Variants in COL13A1 observed in about 807,000 individuals in gnomAD.
COL13A1 encodes collagen type XIII alpha 1 chain.
In COL13A1, 89 loss-of-function variants were observed where a neutral mutation model predicts 130.9. The observed-to-expected ratio is 0.68, with a 90% CI of 0.57 to 0.81. The LOEUF (loss-of-function observed/expected upper bound fraction) is 0.81. Among genes scored for constraint, COL13A1 ranks in the 30% least tolerant of loss-of-function variants. The probability of loss-of-function intolerance (pLI) is 0.00; values close to 1 mark genes in which losing one functional copy is unlikely to be tolerated. For missense variants in COL13A1, 879 were observed against 934.6 expected (o/e 0.94, Z 0.78); for synonymous variants, 402 against 341.6 (o/e 1.18, Z -1.95).
intron 17 of COL13A1, 102 bp downstream of exon 17, chr10:69,905,924 G>T: frequency 7.7e-7 from 1 of 1,304,698 alleles, no homozygotes; most frequent in Non-Finnish European, 1.1e-6. Context: ...AACCTAGGTG[G>T]CTGTGCCTGT....
At position 69,935,403 on chromosome 10, in the gene COL13A1, G is replaced by T; in HGVS notation, c.1770+12G>T. The T allele has an allele frequency of 1.9e-6, 3 of 1,548,268 alleles. No homozygotes were observed. The highest frequency in any genetic ancestry group is 2.6e-6 in the Non-Finnish European group (3 of 1,145,528). ...CTCCCGGACCTCCGGTAAGTTTGGA[G>T]GGCTTGTCAGTGGCCAGTCCACTAA... On this transcript the variant is annotated intron_variant, in intron 32 of 40. Coordinates refer to ENST00000645393, the MANE Select transcript of COL13A1 (RefSeq NM_001368882.1).
At chr10:69,832,072 A>C (rs1462689446) in intron 2 of COL13A1, among the ~76,000 whole-genome samples, 1 of 152,198 alleles carries the variant, frequency 6.6e-6, no homozygotes, top group Non-Finnish European at 1.5e-5. Flanking sequence ...GCCCAGTTGC[A>C]TTCAGCCATG....
intron 2 of COL13A1, among the ~76,000 whole-genome samples, chr10:69,853,478 C>T (rs941669460): frequency 5.3e-5 from 8 of 152,164 alleles, no homozygotes; most frequent in African/African-American, 1.2e-4. Context: ...TAGGGAAGCA[C>T]GATGCTCTCA....
intron 27 of COL13A1, among the ~76,000 whole-genome samples, chr10:69,928,239 A>T (rs968978945): frequency 6.6e-6 from 1 of 152,200 alleles, no homozygotes; most frequent in Admixed American, 6.5e-5. Flanking sequence ...GGTGTAACTT[A>T]CACATAAGAA....
intron 2 of COL13A1, chr10:69,824,246 T>C (rs1277398302): frequency 4.6e-6 from 2 of 438,810 alleles, no homozygotes; most frequent in Non-Finnish European, 9.5e-6. Context: ...AGCATGATTA[T>C]GATTATTTTC....
rs368069080 is a variant in COL13A1 at position 69,875,591 on chromosome 10, T to C, written c.435+428T>C. Among the ~76,000 whole-genome samples, 8 of 152,160 alleles carry C rather than the reference T, an allele frequency of 5.3e-5. 1 individual carries two copies. In the East Asian group the frequency reaches 1.3e-3, roughly 26 times the overall value. On this transcript the variant is annotated intron_variant, in intron 5 of 40. Coordinates refer to ENST00000645393, the MANE Select transcript of COL13A1 (RefSeq NM_001368882.1). ...CCAGGGTTCCCAGGGGCCTTCTCTG[T>C]AGACAGAGATGCACTAAGAGATGGT... is the stretch of plus-strand genomic sequence containing the variant.
At chr10:69,913,024 A>G (rs2063546696) in intron 17 of COL13A1, among the ~76,000 whole-genome samples, 1 of 152,202 alleles carries the variant, frequency 6.6e-6, no homozygotes, top group Non-Finnish European at 1.5e-5. Flanking sequence ...GGCAGCCTCA[A>G]AATCAGGGAT....
chr10:69,866,357 GGCATCT>G (rs1387308274), intron 2 of COL13A1, among the ~76,000 whole-genome samples: 1 of 152,184 alleles, frequency 6.6e-6, no homozygotes, highest in Non-Finnish European at 1.5e-5. Flanking sequence ...GCAGGCGCAA[GGCATCT>G]GCCCTCCATG....
At chr10:69,862,619 G>C (rs1858458558) in intron 2 of COL13A1, among the ~76,000 whole-genome samples, 1 of 152,186 alleles carries the variant, frequency 6.6e-6, no homozygotes, top group Non-Finnish European at 1.5e-5. Flanking sequence ...AGTTACTCAT[G>C]TTTCCCTTCT....
intron 18 of COL13A1, 84 bp from the exon 19 acceptor site, chr10:69,918,201 G>T: frequency 8.1e-7 from 1 of 1,229,336 alleles, no homozygotes; most frequent in East Asian, 2.5e-5. Flanking sequence ...ATCACACCAT[G>T]GGGAGGCTGT....
At chr10:69,876,203 G>T (rs998938556) in intron 5 of COL13A1, among the ~76,000 whole-genome samples, 3 of 152,188 alleles carry the variant, frequency 2.0e-5, no homozygotes, top group Admixed American at 6.5e-5. Flanking sequence ...CTACTCTTCC[G>T]ATGAGAAAAC....
chr10:69,854,926 T>C (rs1344921891), intron 2 of COL13A1, among the ~76,000 whole-genome samples: 5 of 152,134 alleles, frequency 3.3e-5, no homozygotes, highest in African/African-American at 1.2e-4. Context: ...TACAGCTTTG[T>C]CATGTGTGTA....
intron 2 of COL13A1, among the ~76,000 whole-genome samples, chr10:69,843,942 T>C (rs190028754): frequency 6.6e-6 from 1 of 152,336 alleles, no homozygotes; most frequent in East Asian, 1.9e-4. Context: ...TCATATGCTG[T>C]GGGCAGGTGC....
chr10:69,934,176 T>G (rs1011994032), intron 31 of COL13A1, among the ~76,000 whole-genome samples: 4 of 152,226 alleles, frequency 2.6e-5, no homozygotes, highest in Admixed American at 6.5e-5. Flanking sequence ...TTCTTTTTAT[T>G]ATTTTTAAAA....
At chr10:69,816,599 C>T (rs1844579993) in intron 1 of COL13A1, among the ~76,000 whole-genome samples, 3 of 152,004 alleles carry the variant, frequency 2.0e-5, no homozygotes. Flanking sequence ...TGACTTCCAA[C>T]ATTTAGACAT....
At chr10:69,918,421 A>G in intron 19 of COL13A1, 104 bp downstream of exon 19, 1 of 1,120,620 alleles carries the variant, frequency 8.9e-7, no homozygotes, top group East Asian at 2.5e-5. Flanking sequence ...CAGACCAATG[A>G]GGGGGCATAC....
chr10:69,904,901 TTTTC>T, intron 15 of COL13A1, 28 bp from the exon 16 acceptor site: 2 of 1,536,070 alleles, frequency 1.3e-6, no homozygotes, highest in Non-Finnish European at 1.7e-6. Flanking sequence ...ACCTTTTCTT[TTTTC>T]TTTTTTTTTT....
intron 1 of COL13A1, among the ~76,000 whole-genome samples, chr10:69,805,668 C>A (rs982755396): frequency 6.6e-6 from 1 of 152,138 alleles, no homozygotes; most frequent in Non-Finnish European, 1.5e-5. Flanking sequence ...GTTCTATTGG[C>A]CAGCGCTGTG....
chr10:69,904,898 CTTTTT>C, intron 15 of COL13A1, 30 bp from the exon 16 acceptor site: 1 of 1,516,392 alleles, frequency 6.6e-7, no homozygotes, highest in African/African-American at 1.5e-5. Flanking sequence ...CTCACCTTTT[CTTTTT>C]TCTTTTTTTT....
Sources: gnomAD v4.1 joint callset for allele counts (sites outside exome capture counted in the v4.1 genomes callset) on GRCh38, gnomAD v4.1.1 for gene constraint, MANE v1.5 for transcripts, NCBI Gene and HGNC (gene_info 2026-07-23, HGNC 2026-07-21) for gene names.